Variants in MYLK3 observed in about 807,000 individuals in gnomAD.
MYLK3 encodes myosin light chain kinase 3, also known as MLC kinase.
A neutral mutation model predicts 76.3 loss-of-function variants in MYLK3; 55 were observed. That is an observed-to-expected ratio of 0.72 (90% CI 0.58 to 0.90). The LOEUF (loss-of-function observed/expected upper bound fraction) is 0.90. Ranked by LOEUF, MYLK3 falls within the 40% of genes least tolerant of loss-of-function variation. The pLI is 0.00. For synonymous variants in MYLK3, 416 were observed against 425.4 expected, an observed-to-expected ratio of 0.98 and a Z score of 0.27; for missense variants, 973 against 1,053.6, an observed-to-expected ratio of 0.92 and a Z score of 1.06.
At chr16:46,724,739 C>T (rs1966832711) in intron 8 of MYLK3, among the ~76,000 whole-genome samples, 1 of 152,170 alleles carries the variant, frequency 6.6e-6, no homozygotes, top group South Asian at 2.1e-4. Flanking sequence ...GTTAGTCCTC[C>T]AAATTCGTTC....
intron 1 of MYLK3, among the ~76,000 whole-genome samples, chr16:46,740,551 A>AT (rs869207639): frequency 1.4e-3 from 176 of 128,362 alleles, no homozygotes; most frequent in African/African-American, 4.2e-3. Context: ...ATATATATAT[A>AT]TTTTTTTTTT....
intron 9 of MYLK3, among the ~76,000 whole-genome samples, chr16:46,718,607 C>T (rs1422614547): frequency 6.6e-6 from 1 of 152,188 alleles, no homozygotes; most frequent in Non-Finnish European, 1.5e-5. Flanking sequence ...GTGTTTCCTT[C>T]CACTCGTGGA....
At chr16:46,726,156 TTC>T (rs1966840078) in intron 8 of MYLK3, 4 of 152,244 alleles carry the variant, frequency 2.6e-5, no homozygotes, top group African/African-American at 9.6e-5. Context: ...TATTTCTGGG[TTC>T]TCGATTATGT....
chr16:46,712,650 C>T lies in MYLK3; in HGVS notation c.2112G>A (p.Met704Ile). 6.6e-7 allele frequency: 1 copy of T among 1,524,838 alleles called. No homozygotes were observed. 94.5% of individuals were successfully genotyped at this position (1,524,838 alleles called of 1,614,324 possible). A position where few individuals can be genotyped will look rare whatever the true frequency, so the allele number is the denominator to read the frequency against. The change falls in exon 10 of 13, where the codon ATG becomes ATA. Residue 704 changes from methionine to isoleucine, a missense_variant and splice_region_variant. Coordinates refer to ENST00000394809, the MANE Select transcript of MYLK3 (RefSeq NM_182493.3). ...DMWSVGVITY[M>I]LLSGLSPFLG... ...GAGCCAGGGTGCTAAGCACTCACAGCATGTAGGTGATGACTCCCACACTCC... is the reference window on the plus strand; with the variant it reads ...GAGCCAGGGTGCTAAGCACTCACAGTATGTAGGTGATGACTCCCACACTCC...
chr16:46,753,734 G>C (rs1967160119), intron 1 of MYLK3, among the ~76,000 whole-genome samples: 1 of 152,098 alleles, frequency 6.6e-6, no homozygotes, highest in South Asian at 2.1e-4. Context: ...AATATAGGGA[G>C]ACCCTGTCTC....
At chr16:46,710,613 T>A in intron 11 of MYLK3, 24 bp downstream of exon 11, 2 of 1,613,590 alleles carry the variant, frequency 1.2e-6, no homozygotes, top group Non-Finnish European at 1.7e-6. Context: ...GAAGGGCCCA[T>A]GAGTGACAAG....
chr16:46,720,381 G>C (rs2143013605), intron 9 of MYLK3, among the ~76,000 whole-genome samples: 1 of 152,092 alleles, frequency 6.6e-6, no homozygotes, highest in East Asian at 1.9e-4. Context: ...TGTATTTTTT[G>C]TAGAGATGAG....
intron 10 of MYLK3, among the ~76,000 whole-genome samples, chr16:46,712,071 G>A (rs1966690174): frequency 6.7e-6 from 1 of 148,658 alleles, no homozygotes. Flanking sequence ...GCTCACTGCA[G>A]CCTCAACTTC....
At chr16:46,714,397 A>G (rs925654314) in intron 9 of MYLK3, among the ~76,000 whole-genome samples, 6 of 152,206 alleles carry the variant, frequency 3.9e-5, no homozygotes, top group Non-Finnish European at 7.3e-5. Context: ...GCTGAGAGCC[A>G]GGCAGACAAA....
In MYLK3 at chr16:46,738,140, C is replaced by T. The variant is rs2143015887; in HGVS notation, c.572G>A (p.Ser191Asn). 6.6e-7 allele frequency: 1 copy of T among 1,526,372 alleles called. No homozygotes were observed. Among genetic ancestry groups the T allele is most frequent in the Middle Eastern group, 1.8e-4 (1 of 5,700 alleles). The allele number at this position is 1,526,372 out of a possible 1,614,324, so 94.6% of individuals were successfully genotyped here. ...QSDAREPGEE[S>N]QKADVLEGTA... ...CCCCTCCAGCACGTCCGCCTTCTGG[C>T]TCTCTACAGGAAAACAGGCAGGACA... is the stretch of plus-strand genomic sequence containing the variant. Residue 191 changes from serine (S) to asparagine (N), a missense_variant, in exon 3 of 13, where the codon AGC (serine) becomes AAC (asparagine). This residue lies in a region of MYLK3 where 641 missense variants were observed against 637.0 expected (regional missense o/e 1.01). Coordinates refer to ENST00000394809, the MANE Select transcript of MYLK3 (RefSeq NM_182493.3).
intron 1 of MYLK3, among the ~76,000 whole-genome samples, chr16:46,742,634 C>T (rs923455040): frequency 2.0e-5 from 3 of 152,202 alleles, no homozygotes; most frequent in African/African-American, 7.2e-5. Flanking sequence ...CTACATCATG[C>T]CCCTCCTCTC....
intron 1 of MYLK3, among the ~76,000 whole-genome samples, chr16:46,746,487 C>T (rs1490337832): frequency 3.3e-5 from 5 of 152,188 alleles, no homozygotes. Context: ...CTGGCACAAA[C>T]ATAGCTCACC....
chr16:46,710,570 C>A, intron 11 of MYLK3, 67 bp downstream of exon 11: 5 of 1,579,340 alleles, frequency 3.2e-6, no homozygotes, highest in South Asian at 1.1e-5. Flanking sequence ...GGTCAGCAGT[C>A]CTGCCCAGCT....
At position 46,707,692 on chromosome 16, in the gene MYLK3, C is replaced by G; in HGVS notation, c.*12G>C. On this transcript the variant is annotated 3_prime_UTR_variant, in exon 13 of 13. Coordinates refer to ENST00000394809, the MANE Select transcript of MYLK3 (RefSeq NM_182493.3). The stretch of plus-strand genomic sequence containing the variant: ...GTAATTTCTGGACCCATTGGAGCAG[C>G]AGAGTTGAAGATTAGGGAGAAGTTG... 1 of 1,594,740 alleles carries G rather than the reference C, an allele frequency of 6.3e-7. No homozygotes were observed. Among genetic ancestry groups the G allele is most frequent in the Non-Finnish European group, 8.6e-7 (1 of 1,162,742 alleles).
chr16:46,759,456 C>A (rs1596781879), intron 1 of MYLK3, among the ~76,000 whole-genome samples: 1 of 152,142 alleles, frequency 6.6e-6, no homozygotes. Context: ...ACTGTACTTG[C>A]CCCTCACAAC....
chr16:46,720,051 G>A (rs1300699299), intron 9 of MYLK3, among the ~76,000 whole-genome samples: 3 of 152,102 alleles, frequency 2.0e-5, no homozygotes, highest in Non-Finnish European at 2.9e-5. Flanking sequence ...GGTGGCAGGC[G>A]CCTGTAATCC....
At chr16:46,741,239 G>T (rs1315851832) in intron 1 of MYLK3, among the ~76,000 whole-genome samples, 1 of 152,190 alleles carries the variant, frequency 6.6e-6, no homozygotes, top group Non-Finnish European at 1.5e-5. Flanking sequence ...GCACATAGTG[G>T]GTGCTCAATA....
At chr16:46,716,327 CAGAT>C (rs1362674206) in intron 9 of MYLK3, among the ~76,000 whole-genome samples, 3 of 150,722 alleles carry the variant, frequency 2.0e-5, no homozygotes, top group Non-Finnish European at 4.4e-5. Context: ...GATAGATAGA[CAGAT>C]AGATGTTATG....
At chr16:46,755,202 G>A (rs779558404) in intron 1 of MYLK3, among the ~76,000 whole-genome samples, 3 of 151,932 alleles carry the variant, frequency 2.0e-5, no homozygotes, top group Non-Finnish European at 2.9e-5. Context: ...CCTGACCCAC[G>A]CACGCTTTCT....
Sources: gnomAD v4.1 joint callset for allele counts (sites outside exome capture counted in the v4.1 genomes callset) on GRCh38, gnomAD v4.1.1 for gene constraint, gnomAD v4.1.1 regional missense constraint, MANE v1.5 for transcripts, NCBI Gene and HGNC (gene_info 2026-07-23, HGNC 2026-07-21) for gene names.